Variants in PTPN3 observed in about 807,000 individuals in gnomAD.
PTPN3 encodes the protein protein tyrosine phosphatase non-receptor type 3, also known as tyrosine-protein phosphatase non-receptor type 3.
Under a neutral mutation model 132.7 loss-of-function variants are expected in PTPN3, and 96 were observed. The ratio of observed to expected loss-of-function variants is 0.72; its 90% CI spans 0.61 to 0.86. The LOEUF (loss-of-function observed/expected upper bound fraction) is 0.86, where lower values mean the gene tolerates loss of function less well. Among genes scored for constraint, PTPN3 ranks in the 40% least tolerant of loss-of-function variants. PTPN3 has a pLI of 0.00. For synonymous variants in PTPN3, 398 were observed against 429.0 expected, an observed-to-expected ratio of 0.93 and a Z score of 0.89; for missense variants, 1,125 against 1,159.6, an observed-to-expected ratio of 0.97 and a Z score of 0.43.
intron 8 of PTPN3, among the ~76,000 whole-genome samples, chr9:109,437,174 T>A (rs1218443499): frequency 6.6e-6 from 1 of 152,182 alleles, no homozygotes; most frequent in Non-Finnish European, 1.5e-5. Context: ...TAGACCCTCT[T>A]GTTTTTAAAT....
At chr9:109,449,276 T>A (rs563078198) in intron 5 of PTPN3, 2 of 996,300 alleles carry the variant, frequency 2.0e-6, no homozygotes, top group South Asian at 9.2e-5. Context: ...TGTGCCAGGA[T>A]CCATCCACCC....
At chr9:109,467,566 G>T (rs1448362997) in intron 1 of PTPN3, among the ~76,000 whole-genome samples, 2 of 152,306 alleles carry the variant, frequency 1.3e-5, no homozygotes, top group East Asian at 3.9e-4. Context: ...TGAATTCACT[G>T]TGTGTGATAA....
upstream of PTPN3, among the ~76,000 whole-genome samples, chr9:109,500,760 A>G (rs1206015740): frequency 2.0e-5 from 3 of 151,866 alleles, no homozygotes; most frequent in Non-Finnish European, 4.4e-5. Flanking sequence ...GCAAGACCCC[A>G]TCTTTACAAA....
chr9:109,461,842 G>C (rs1351689787), intron 2 of PTPN3, among the ~76,000 whole-genome samples: 1 of 152,168 alleles, frequency 6.6e-6, no homozygotes, highest in Non-Finnish European at 1.5e-5. Flanking sequence ...CTATGGGTTA[G>C]TGCAGACACA....
At chr9:109,402,886 C>T (rs760610495) in intron 19 of PTPN3, among the ~76,000 whole-genome samples, 4 of 152,026 alleles carry the variant, frequency 2.6e-5, no homozygotes, top group Non-Finnish European at 4.4e-5. Flanking sequence ...GCCTGGGCAA[C>T]ATGGCAAAAC....
At chr9:109,393,522 G>C (rs1278168456) in intron 19 of PTPN3, among the ~76,000 whole-genome samples, 1 of 151,594 alleles carries the variant, frequency 6.6e-6, no homozygotes, top group Admixed American at 6.6e-5. Context: ...GAGTAGCTGG[G>C]ATTATAGGTA....
At chr9:109,388,553 G>A (rs751549230) in intron 22 of PTPN3, among the ~76,000 whole-genome samples, 11 of 152,172 alleles carry the variant, frequency 7.2e-5, no homozygotes, top group Non-Finnish European at 1.5e-4. Context: ...TCAGCAGCAC[G>A]GAGCTGGCGG....
At chr9:109,521,007 T>C in the PTPN3 span, among the ~76,000 whole-genome samples, 1 of 152,162 alleles carries the variant, frequency 6.6e-6, no homozygotes, top group Non-Finnish European at 1.5e-5. Flanking sequence ...TTACTCACCT[T>C]GATAGTCTCT....
At chr9:109,506,181 T>TG in the PTPN3 span, among the ~76,000 whole-genome samples, 1 of 151,542 alleles carries the variant, frequency 6.6e-6, no homozygotes, top group East Asian at 1.9e-4. Flanking sequence ...CTCTTGACCT[T>TG]GGGTCTCTGA....
intron 8 of PTPN3, 33 bp from the exon 9 acceptor site, chr9:109,437,003 C>T: frequency 6.2e-7 from 1 of 1,612,304 alleles, no homozygotes; most frequent in Non-Finnish European, 8.5e-7. Context: ...CAGAGTTCAT[C>T]CAATAAAGAG....
chr9:109,516,025 A>G, the PTPN3 span, among the ~76,000 whole-genome samples: 1 of 152,246 alleles, frequency 6.6e-6, no homozygotes, highest in Non-Finnish European at 1.5e-5. Context: ...ATACCGGCAC[A>G]GAACCTGCTG....
Position 109,379,021 on chromosome 9 carries a change from C to T in PTPN3, c.*535G>A, listed in dbSNP as rs1158121406. 6.6e-6 allele frequency: 1 copy of T among 152,612 alleles called. No homozygotes were observed. Among genetic ancestry groups the T allele is most frequent in the Non-Finnish European group, 1.5e-5 (1 of 68,374 alleles). The allele number at this position is 152,612 out of a possible 1,614,324, so 9.5% of individuals were successfully genotyped here. On this transcript the variant is annotated 3_prime_UTR_variant, in exon 26 of 26. Transcript: ENST00000374541. Reference sequence around the variant, plus strand: ...GGGAGGGCAGAGAGGTGTTGCTCAGCCTTCAGCCTGACCCCCAGTGCCCTG... The same window carrying T: ...GGGAGGGCAGAGAGGTGTTGCTCAGTCTTCAGCCTGACCCCCAGTGCCCTG...
At chr9:109,415,017 A>C (rs1842360498) in intron 14 of PTPN3, among the ~76,000 whole-genome samples, 1 of 98,520 alleles carries the variant, frequency 1.0e-5, no homozygotes, top group Non-Finnish European at 2.2e-5. Context: ...GTTTCATCTA[A>C]CCATTTGTCC....
intron 17 of PTPN3, among the ~76,000 whole-genome samples, chr9:109,407,799 C>T (rs1176827131): frequency 6.6e-6 from 1 of 152,174 alleles, no homozygotes; most frequent in African/African-American, 2.4e-5. Flanking sequence ...TCACCCTCCT[C>T]GGCCTCCCAA....
chr9:109,484,793 C>T (rs1157486205), intron 1 of PTPN3, among the ~76,000 whole-genome samples: 1 of 152,220 alleles, frequency 6.6e-6, no homozygotes, highest in Non-Finnish European at 1.5e-5. Flanking sequence ...CCCAGGTGCA[C>T]ATGGCTCTAC....
rs116501514 is a variant in PTPN3, at chr9:109,398,268, G to C, written c.1953+6180C>G. 4.9e-3 allele frequency among the ~76,000 whole-genome samples: 750 copies of C among 152,344 alleles called. 3 individuals are homozygous for C. The highest frequency in any genetic ancestry group is 0.017 in the African/African-American group (722 of 41,578). On this transcript the variant is annotated intron_variant, in intron 19 of 25. Transcript: ENST00000374541. ...CTGCTGCACTCCTGCCTGGGCCACAGAATGAGACTCGGTCTAAAGGGTTCT... is the reference window on the plus strand; with the variant it reads ...CTGCTGCACTCCTGCCTGGGCCACACAATGAGACTCGGTCTAAAGGGTTCT...
At chr9:109,437,107 A>G in intron 8 of PTPN3, 137 bp from the exon 9 acceptor site, 2 of 1,400,526 alleles carry the variant, frequency 1.4e-6, no homozygotes, top group Non-Finnish European at 1.9e-6. Flanking sequence ...TCAGCAATCT[A>G]ATGCTAAATT....
chr9:109,534,342 G>A, the PTPN3 span: 1 of 1,511,672 alleles, frequency 6.6e-7, no homozygotes, highest in Non-Finnish European at 8.8e-7. Context: ...AGGTTGTGGT[G>A]ATGGTGACTG....
At chr9:109,445,501 T>G (rs1026587388) in intron 6 of PTPN3, among the ~76,000 whole-genome samples, 5 of 152,194 alleles carry the variant, frequency 3.3e-5, no homozygotes, top group Non-Finnish European at 7.3e-5. Flanking sequence ...AACCTTTTCA[T>G]GTTTAAAATA....
Sources: allele counts gnomAD v4.1 joint callset (sites outside exome capture counted in the v4.1 genomes callset), GRCh38; gene constraint gnomAD v4.1.1; transcripts MANE v1.5; gene names NCBI Gene and HGNC (gene_info 2026-07-23, HGNC 2026-07-21).